Variants in EYS observed in about 807,000 individuals in gnomAD.
EYS encodes EGF-like photoreceptor maintenance factor, also known as protein eyes shut homolog.
A neutral mutation model predicts 282.1 loss-of-function variants in EYS; 250 were observed. That is an observed-to-expected ratio of 0.89 (90% CI 0.80 to 0.98). EYS has a LOEUF of 0.98. Among genes scored for constraint, EYS ranks in the 50% least tolerant of loss-of-function variants. The pLI is 0.00. For missense variants in EYS, 4,016 were observed against 3,709.0 expected (o/e 1.08, Z -2.15); for synonymous variants, 1,355 against 1,282.9 (o/e 1.06, Z -1.20).
rs897988227 is a variant in EYS at position 65,102,063 on chromosome 6, T to C, written c.2024-44336A>G. ...CATGAAACATGTTTTCTTTCAAAAG[T>C]CAAAAGAAAAATTAATTATATTTTA... On this transcript the variant is annotated intron_variant, in intron 12 of 42. Transcript: ENST00000503581. 5.3e-5 allele frequency among the ~76,000 whole-genome samples: 8 copies of C among 151,382 alleles called. No individual in the cohort carries two copies. The South Asian group carries it at 8.3e-4, about 16-fold the overall frequency.
chr6:64,704,336 A>G (rs1425069705), intron 22 of EYS, among the ~76,000 whole-genome samples: 1 of 145,602 alleles, frequency 6.9e-6, no homozygotes, highest in Non-Finnish European at 1.5e-5. Flanking sequence ...ATATATATAC[A>G]TATATAAAAT....
intron 26 of EYS, among the ~76,000 whole-genome samples, chr6:64,561,751 C>A (rs1332201291): frequency 6.6e-6 from 1 of 151,768 alleles, no homozygotes; most frequent in Non-Finnish European, 1.5e-5. Flanking sequence ...TTATACTACC[C>A]AAAGCAATTT....
At chr6:65,146,271 C>G (rs1252717164) in intron 12 of EYS, among the ~76,000 whole-genome samples, 1 of 151,772 alleles carries the variant, frequency 6.6e-6, no homozygotes, top group Non-Finnish European at 1.5e-5. Flanking sequence ...TTCAAAATCA[C>G]CTCATTAGGA....
intron 22 of EYS, among the ~76,000 whole-genome samples, chr6:64,689,434 C>G (rs886961612): frequency 6.8e-6 from 1 of 146,376 alleles, no homozygotes; most frequent in Non-Finnish European, 1.5e-5. Context: ...CCCCATCAAG[C>G]TACCAATGAC....
chr6:64,678,486 G>A (rs1490607589), intron 22 of EYS, among the ~76,000 whole-genome samples: 2 of 152,046 alleles, frequency 1.3e-5, no homozygotes, highest in Non-Finnish European at 2.9e-5. Flanking sequence ...GCTGAGACAG[G>A]AGAATCACTT....
intron 35 of EYS, among the ~76,000 whole-genome samples, chr6:63,871,962 C>T (rs971753033): frequency 6.6e-6 from 1 of 152,170 alleles, no homozygotes; most frequent in Non-Finnish European, 1.5e-5. Flanking sequence ...AGGAGACAGC[C>T]CATGACCCAC....
intron 26 of EYS, among the ~76,000 whole-genome samples, chr6:64,550,524 C>G (rs1765039635): frequency 6.6e-6 from 1 of 152,134 alleles, no homozygotes. Flanking sequence ...TGAGCAAAAA[C>G]TGGAAGCATT....
chr6:64,853,638 G>A (rs747519438), intron 19 of EYS, among the ~76,000 whole-genome samples: 2 of 152,030 alleles, frequency 1.3e-5, no homozygotes, highest in South Asian at 2.1e-4. Flanking sequence ...TATTGGTAAC[G>A]CCGTTGTTAA....
chr6:64,651,598 G>A (rs762419975), intron 22 of EYS, among the ~76,000 whole-genome samples: 15 of 152,158 alleles, frequency 9.9e-5, no homozygotes, highest in South Asian at 4.1e-4. Flanking sequence ...CGGGAGAATC[G>A]CTTGAACCCG....
chr6:64,444,740 G>A (rs1020354146), intron 26 of EYS, among the ~76,000 whole-genome samples: 3 of 152,202 alleles, frequency 2.0e-5, no homozygotes, highest in African/African-American at 7.2e-5. Flanking sequence ...CCAAGTGGAA[G>A]GTGTTTGGAT....
chr6:64,652,932 C>A (rs114867633), intron 22 of EYS, among the ~76,000 whole-genome samples: 70 of 152,202 alleles, frequency 4.6e-4, no homozygotes, highest in African/African-American at 1.5e-3. Context: ...CACAGTTTTG[C>A]ATTGCATATT....
chr6:64,188,734 T>C lies in EYS; in HGVS notation c.6424+41858A>G, dbSNP rs182137340. ...AGTGCTTGATTAAAAGCCTGACATATAGTAATAACTTTAGTTATGCATGTA... is the reference window on the plus strand; with the variant it reads ...AGTGCTTGATTAAAAGCCTGACATACAGTAATAACTTTAGTTATGCATGTA... On this transcript the variant is annotated intron_variant, in intron 31 of 42. Coordinates refer to ENST00000503581, the MANE Select transcript of EYS (RefSeq NM_001142800.2). Among the ~76,000 whole-genome samples, 4 of 152,224 alleles carry C rather than the reference T, an allele frequency of 2.6e-5. No homozygotes were observed. In the East Asian group the frequency reaches 7.7e-4, roughly 29 times the overall value.
chr6:64,646,085 G>A (rs1321403461), intron 22 of EYS, among the ~76,000 whole-genome samples: 1 of 152,152 alleles, frequency 6.6e-6, no homozygotes, highest in Non-Finnish European at 1.5e-5. Flanking sequence ...TCTCAGGGTA[G>A]CTACACTTCT....
chr6:65,355,898 C>A (rs1046874625), intron 8 of EYS, among the ~76,000 whole-genome samples: 1 of 152,012 alleles, frequency 6.6e-6, no homozygotes, highest in Admixed American at 6.6e-5. Context: ...ATTAGTACAA[C>A]CACTGTGGAA....
At chr6:64,069,838 A>G (rs556592216) in intron 32 of EYS, among the ~76,000 whole-genome samples, 2 of 152,272 alleles carry the variant, frequency 1.3e-5, no homozygotes, top group South Asian at 4.1e-4. Context: ...TAAAACCATG[A>G]AAATTTTCAA....
chr6:64,543,928 C>T (rs1190831217), intron 26 of EYS, among the ~76,000 whole-genome samples: 1 of 152,188 alleles, frequency 6.6e-6, no homozygotes, highest in Non-Finnish European at 1.5e-5. Context: ...ATATGCCCTG[C>T]TCTAAAATGC....
At chr6:64,036,696 G>A (rs1327022811) in intron 33 of EYS, among the ~76,000 whole-genome samples, 1 of 152,178 alleles carries the variant, frequency 6.6e-6, no homozygotes, top group Non-Finnish European at 1.5e-5. Flanking sequence ...TGGATTGGCT[G>A]TAAAGTGTAT....
chr6:63,770,921 A>G (rs1413854105), intron 40 of EYS, among the ~76,000 whole-genome samples: 1 of 152,250 alleles, frequency 6.6e-6, no homozygotes, highest in Non-Finnish European at 1.5e-5. Context: ...ACATTCCCCT[A>G]TGGCCTTCCT....
intron 36 of EYS, among the ~76,000 whole-genome samples, chr6:63,852,950 C>T (rs565049249): frequency 3.9e-5 from 6 of 152,192 alleles, no homozygotes; most frequent in Non-Finnish European, 8.8e-5. Context: ...ATGCTAAAAA[C>T]ACTCAATAAA....
Sources: gnomAD v4.1 joint callset for allele counts (sites outside exome capture counted in the v4.1 genomes callset) on GRCh38, gnomAD v4.1.1 for gene constraint, MANE v1.5 for transcripts, NCBI Gene and HGNC (gene_info 2026-07-23, HGNC 2026-07-21) for gene names.